The following ZNRF3 variants were observed in gnomAD, a reference collection of about 807,000 sequenced individuals.
ZNRF3 encodes zinc and ring finger 3, also known as E3 ubiquitin-protein ligase ZNRF3.
In ZNRF3, 23 loss-of-function variants were observed where a neutral mutation model predicts 72.5. The observed-to-expected ratio is 0.32, with a 90% CI of 0.23 to 0.45. The LOEUF is 0.45. Among genes scored for constraint, ZNRF3 ranks in the 20% least tolerant of loss-of-function variants. The pLI, the probability that ZNRF3 is intolerant of heterozygous loss-of-function variation, is 1.00. For synonymous variants in ZNRF3, 610 were observed against 545.3 expected (o/e 1.12, Z -1.65); for missense variants, 1,169 against 1,272.1 (o/e 0.92, Z 1.23).
chr22:28,906,714 C>T (rs761222069), intron 1 of ZNRF3, among the ~76,000 whole-genome samples: 7 of 152,294 alleles, frequency 4.6e-5, no homozygotes, highest in Admixed American at 1.3e-4. Context: ...TATTAGAAGA[C>T]GACTTGGCAG....
intron 1 of ZNRF3, among the ~76,000 whole-genome samples, chr22:28,911,169 C>T (rs189570117): frequency 4.0e-5 from 6 of 151,372 alleles, no homozygotes; most frequent in East Asian, 3.9e-4. Context: ...TGTCTGGGGA[C>T]AGAAGTGTAA....
chr22:29,043,067 C>T (rs556316252), intron 3 of ZNRF3, among the ~76,000 whole-genome samples: 8 of 151,602 alleles, frequency 5.3e-5, no homozygotes. Context: ...GCCACTGCAC[C>T]GGGTTCAGGG....
intron 1 of ZNRF3, among the ~76,000 whole-genome samples, chr22:28,941,564 T>A (rs989434376): frequency 3.9e-5 from 6 of 152,322 alleles, no homozygotes; most frequent in African/African-American, 1.4e-4. Flanking sequence ...TATTTTTGTT[T>A]CTAACCTGGG....
At chr22:28,979,530 A>G (rs1333319001) in intron 1 of ZNRF3, among the ~76,000 whole-genome samples, 1 of 152,172 alleles carries the variant, frequency 6.6e-6, no homozygotes, top group Non-Finnish European at 1.5e-5. Flanking sequence ...TTGCCAGTAA[A>G]TCTTTTTTGT....
At chr22:28,938,790 TAG>T (rs1295095241) in intron 1 of ZNRF3, among the ~76,000 whole-genome samples, 6 of 152,272 alleles carry the variant, frequency 3.9e-5, no homozygotes, top group Admixed American at 3.9e-4. Context: ...AGTATTACAT[TAG>T]AGTTTGTAAG....
At chr22:28,949,715 C>G (rs1224547849) in intron 1 of ZNRF3, among the ~76,000 whole-genome samples, 1 of 152,196 alleles carries the variant, frequency 6.6e-6, no homozygotes, top group Non-Finnish European at 1.5e-5. Context: ...AAAATATTAT[C>G]AATTGTTTCC....
chr22:29,000,774 G>A (rs930678058), intron 2 of ZNRF3, among the ~76,000 whole-genome samples: 9 of 152,120 alleles, frequency 5.9e-5, no homozygotes, highest in African/African-American at 2.2e-4. Flanking sequence ...AGAAGGCAAA[G>A]GGGGAGCTGG....
intron 2 of ZNRF3, among the ~76,000 whole-genome samples, chr22:29,040,661 G>GGGTGT (rs1569292536): frequency 6.6e-6 from 1 of 152,158 alleles, no homozygotes; most frequent in East Asian, 1.9e-4. Flanking sequence ...GTGGACAATC[G>GGGTGT]GCAGAGACTT....
At chr22:29,003,745 C>T (rs1044442976) in intron 2 of ZNRF3, among the ~76,000 whole-genome samples, 7 of 151,584 alleles carry the variant, frequency 4.6e-5, no homozygotes, top group Admixed American at 6.6e-5. Context: ...GAGGCTGGAG[C>T]GGGAGGCTTG....
chr22:29,011,782 G>T (rs970357477), intron 2 of ZNRF3, among the ~76,000 whole-genome samples: 2 of 152,210 alleles, frequency 1.3e-5, no homozygotes, highest in African/African-American at 4.8e-5. Context: ...AAATCCTCCC[G>T]CTGGGGAATG....
At chr22:29,009,905 CTT>C (rs57028204) in intron 2 of ZNRF3, among the ~76,000 whole-genome samples, 13 of 123,538 alleles carry the variant, frequency 1.1e-4, no homozygotes, top group Admixed American at 3.6e-4. Context: ...ACTTTTTCCT[CTT>C]TTTTTTTTTT....
chr22:28,942,781 A>G (rs1056051132), intron 1 of ZNRF3, among the ~76,000 whole-genome samples: 1 of 152,198 alleles, frequency 6.6e-6, no homozygotes, highest in African/African-American at 2.4e-5. Context: ...TCAAATTAAG[A>G]GGTGCCCTCA....
chr22:28,972,572 G>A (rs2035595651), intron 1 of ZNRF3, among the ~76,000 whole-genome samples: 2 of 152,116 alleles, frequency 1.3e-5, no homozygotes, highest in African/African-American at 2.4e-5. Context: ...TGCTATGAAC[G>A]TTCATGTACA....
At chr22:28,903,521 A>G (rs2034148710) in intron 1 of ZNRF3, among the ~76,000 whole-genome samples, 1 of 152,108 alleles carries the variant, frequency 6.6e-6, no homozygotes, top group African/African-American at 2.4e-5. Flanking sequence ...AATTAGACAC[A>G]TTGACTTTTT....
At chr22:28,941,848 G>A (rs2034953437) in intron 1 of ZNRF3, among the ~76,000 whole-genome samples, 1 of 152,056 alleles carries the variant, frequency 6.6e-6, no homozygotes, top group Non-Finnish European at 1.5e-5. Flanking sequence ...GAGGTGGAAG[G>A]GGAGGCTGAG....
chr22:28,979,230 C>T (rs1411511688), intron 1 of ZNRF3, among the ~76,000 whole-genome samples: 1 of 152,118 alleles, frequency 6.6e-6, no homozygotes, highest in Non-Finnish European at 1.5e-5. Context: ...TGTGGGAGTC[C>T]CTGTGCTTGG....
Position 29,004,205 on chromosome 22 carries a change from C to T in ZNRF3, c.426+17004C>T, listed in dbSNP as rs1172718642. On this transcript the variant is annotated intron_variant, in intron 2 of 8. Transcript: ENST00000544604. ...GGTCCTGGCCCTGAGCCAGATAGGA[C>T]GCCATTTGACTTTGATTCAGTCTGA... is the stretch of plus-strand genomic sequence containing the variant. Among the ~76,000 whole-genome samples, 3 of 152,346 alleles carry T rather than the reference C, an allele frequency of 2.0e-5. 1 individual carries two copies. Among genetic ancestry groups the T allele is most frequent in the East Asian group, 3.9e-4 (2 of 5,192 alleles).
intron 2 of ZNRF3, among the ~76,000 whole-genome samples, chr22:29,012,366 A>G (rs2036361474): frequency 1.3e-5 from 2 of 152,216 alleles, no homozygotes; most frequent in Admixed American, 6.5e-5. Context: ...TTCTCAAAAC[A>G]TCCAGAAGTA....
chr22:29,002,840 C>T (rs1293270976), intron 2 of ZNRF3, among the ~76,000 whole-genome samples: 1 of 152,194 alleles, frequency 6.6e-6, no homozygotes, highest in Non-Finnish European at 1.5e-5. Context: ...CCGAAAGCGC[C>T]TGGCAGAAAT....
Sources: gnomAD v4.1 joint callset for allele counts (sites outside exome capture counted in the v4.1 genomes callset) on GRCh38, gnomAD v4.1.1 for gene constraint, MANE v1.5 for transcripts, NCBI Gene and HGNC (gene_info 2026-07-23, HGNC 2026-07-21) for gene names.